The following SV2C variants were observed in gnomAD, a reference collection of about 807,000 sequenced individuals.
The protein encoded by SV2C is solute carrier family 22 member B3.
A neutral mutation model predicts 79.7 loss-of-function variants in SV2C; 49 were observed. The observed-to-expected ratio is 0.61, with a 90% confidence interval of 0.49 to 0.78. SV2C has a LOEUF of 0.78. Among genes scored for constraint, SV2C ranks in the 30% least tolerant of loss-of-function variants. The pLI is 0.00. For missense variants in SV2C, 833 were observed against 912.9 expected, an observed-to-expected ratio of 0.91 and a Z score of 1.13; for synonymous variants, 334 against 333.2, an observed-to-expected ratio of 1.00 and a Z score of -0.03.
chr5:75,970,928 A>T, the SV2C span, among the ~76,000 whole-genome samples: 2 of 152,114 alleles, frequency 1.3e-5, no homozygotes, highest in Non-Finnish European at 2.9e-5. Flanking sequence ...ATCCTCAATA[A>T]AATACTGGCA....
chr5:76,183,635 T>C (rs1393785376), intron 2 of SV2C, among the ~76,000 whole-genome samples: 1 of 152,182 alleles, frequency 6.6e-6, no homozygotes, highest in Non-Finnish European at 1.5e-5. Flanking sequence ...CTCAACTCCT[T>C]GTGTTGACTC....
At chr5:75,848,566 T>C in the SV2C span, among the ~76,000 whole-genome samples, 2 of 152,216 alleles carry the variant, frequency 1.3e-5, no homozygotes, top group African/African-American at 4.8e-5. Flanking sequence ...AAGTTCTTGT[T>C]TTAAGTTGTC....
upstream of SV2C, among the ~76,000 whole-genome samples, chr5:76,082,620 CTA>C (rs1205165787): frequency 3.4e-4 from 45 of 134,006 alleles, no homozygotes; most frequent in African/African-American, 1.2e-3. Flanking sequence ...CTCTCTCTCT[CTA>C]TCTCTCTCTC....
At chr5:76,027,842 G>A in the SV2C span, among the ~76,000 whole-genome samples, 3 of 152,090 alleles carry the variant, frequency 2.0e-5, no homozygotes, top group African/African-American at 2.4e-5. Context: ...TCTGTGCTCC[G>A]TGAATCATGA....
chr5:76,309,484 C>T (rs938727557), intron 12 of SV2C, among the ~76,000 whole-genome samples: 5 of 151,602 alleles, frequency 3.3e-5, no homozygotes, highest in African/African-American at 1.2e-4. Context: ...CCTGTAGTCC[C>T]AGCCACTCGG....
chr5:75,961,088 A>G, the SV2C span, among the ~76,000 whole-genome samples: 1 of 152,040 alleles, frequency 6.6e-6, no homozygotes, highest in Non-Finnish European at 1.5e-5. Context: ...ACATTAAGTG[A>G]TCAGATCTTT....
the SV2C span, among the ~76,000 whole-genome samples, chr5:76,004,192 G>A: frequency 6.6e-6 from 1 of 152,144 alleles, no homozygotes; most frequent in South Asian, 2.1e-4. Flanking sequence ...AACCTCCAAG[G>A]ATAATGGCGC....
chr5:76,064,065 T>C, the SV2C span, among the ~76,000 whole-genome samples: 1 of 152,184 alleles, frequency 6.6e-6, no homozygotes, highest in Non-Finnish European at 1.5e-5. Flanking sequence ...CAGCATAGCA[T>C]GAGGAGGGCT....
At chr5:75,912,488 A>C in the SV2C span, among the ~76,000 whole-genome samples, 1 of 152,166 alleles carries the variant, frequency 6.6e-6, no homozygotes, top group African/African-American at 2.4e-5. Context: ...CCCTGTCTCA[A>C]AAAACGAAAA....
chr5:76,232,680 A>G (rs1432573169), intron 4 of SV2C, among the ~76,000 whole-genome samples: 2 of 145,394 alleles, frequency 1.4e-5, no homozygotes, highest in Non-Finnish European at 3.0e-5. Context: ...TCCCAGCACC[A>G]TTTATTAAAT....
intron 2 of SV2C, among the ~76,000 whole-genome samples, chr5:76,192,896 A>G (rs1744149162): frequency 6.6e-6 from 1 of 152,218 alleles, no homozygotes; most frequent in Non-Finnish European, 1.5e-5. Context: ...TGTGTCAGTC[A>G]TGGAGGAATT....
At chr5:75,969,894 C>T in the SV2C span, among the ~76,000 whole-genome samples, 1 of 152,120 alleles carries the variant, frequency 6.6e-6, no homozygotes, top group African/African-American at 2.4e-5. Context: ...CACACCACAC[C>T]TATTCCAAAA....
At chr5:75,857,088 G>A in the SV2C span, among the ~76,000 whole-genome samples, 5 of 151,296 alleles carry the variant, frequency 3.3e-5, no homozygotes, top group Admixed American at 3.3e-4. Context: ...CTCCCAAGTA[G>A]CTGGGACTAC....
At chr5:76,094,317 T>A (rs1355045457) in intron 1 of SV2C, among the ~76,000 whole-genome samples, 1 of 152,170 alleles carries the variant, frequency 6.6e-6, no homozygotes, top group Non-Finnish European at 1.5e-5. Context: ...CTGTATCCCT[T>A]TTCATTCATT....
At chr5:76,058,149 G>A in the SV2C span, among the ~76,000 whole-genome samples, 1 of 152,112 alleles carries the variant, frequency 6.6e-6, no homozygotes, top group African/African-American at 2.4e-5. Context: ...GGTGCAAGGT[G>A]CAGACAGAAA....
chr5:76,142,347 A>C (rs1362310115), intron 2 of SV2C, among the ~76,000 whole-genome samples: 2 of 152,252 alleles, frequency 1.3e-5, no homozygotes, highest in Admixed American at 1.3e-4. Context: ...TTTGCTTAAA[A>C]ATAGAATTTA....
intron 2 of SV2C, among the ~76,000 whole-genome samples, chr5:76,169,102 G>A (rs927831214): frequency 2.0e-5 from 3 of 152,106 alleles, no homozygotes; most frequent in Admixed American, 6.5e-5. Flanking sequence ...TGAAACAAGA[G>A]GATAAAATAT....
chr5:75,868,571 G>A, the SV2C span, among the ~76,000 whole-genome samples: 1 of 152,188 alleles, frequency 6.6e-6, no homozygotes, highest in Non-Finnish European at 1.5e-5. Flanking sequence ...GACAGCAAGT[G>A]CTTCCAATAG....
chr5:76,050,481 C>T, the SV2C span, among the ~76,000 whole-genome samples: 2 of 152,118 alleles, frequency 1.3e-5, no homozygotes, highest in African/African-American at 2.4e-5. Flanking sequence ...AACAAGGTTC[C>T]CCCACAAGGG....
Sources: allele counts gnomAD v4.1 joint callset (sites outside exome capture counted in the v4.1 genomes callset), GRCh38; gene constraint gnomAD v4.1.1; transcripts MANE v1.5; gene names NCBI Gene and HGNC (gene_info 2026-07-23, HGNC 2026-07-21).